The following GABRG3 variants were observed in gnomAD, a reference collection of about 807,000 sequenced individuals.
GABRG3 encodes the protein gamma-aminobutyric acid type A receptor subunit gamma3.
A neutral mutation model predicts 48.8 loss-of-function variants in GABRG3; 25 were observed. The ratio of observed to expected loss-of-function variants is 0.51; its 90% CI spans 0.37 to 0.72. The LOEUF is 0.72. GABRG3 is among the 30% of genes least tolerant of loss of function. The pLI, the probability that GABRG3 is intolerant of heterozygous loss-of-function variation, is 0.00. For synonymous variants in GABRG3, 227 were observed against 217.6 expected (o/e 1.04, Z -0.38); for missense variants, 394 against 577.9 (o/e 0.68, Z 3.26).
chr15:27,392,863 G>A (rs946625653), intron 5 of GABRG3, among the ~76,000 whole-genome samples: 1 of 152,156 alleles, frequency 6.6e-6, no homozygotes, highest in African/African-American at 2.4e-5. Context: ...GTTGGCCATT[G>A]GGAGCACATT....
intron 3 of GABRG3, among the ~76,000 whole-genome samples, chr15:27,204,469 G>GTGA (rs978856343): frequency 2.0e-4 from 30 of 152,054 alleles, no homozygotes; most frequent in African/African-American, 7.0e-4. Context: ...AAGTGATAGT[G>GTGA]TGATGCTTCC....
At chr15:27,015,612 C>A (rs1259010859) in intron 2 of GABRG3, among the ~76,000 whole-genome samples, 1 of 151,898 alleles carries the variant, frequency 6.6e-6, no homozygotes, top group African/African-American at 2.4e-5. Context: ...TGGTCTCGAT[C>A]TCCTGACCTT....
chr15:27,426,632 A>G (rs139369431), intron 5 of GABRG3, among the ~76,000 whole-genome samples: 47 of 152,298 alleles, frequency 3.1e-4, no homozygotes, highest in African/African-American at 1.1e-3. Flanking sequence ...GGACAACATA[A>G]TAAGACCTCA....
At chr15:27,291,054 A>G (rs891124884) in intron 3 of GABRG3, among the ~76,000 whole-genome samples, 1 of 152,252 alleles carries the variant, frequency 6.6e-6, no homozygotes, top group South Asian at 2.1e-4. Flanking sequence ...ATGAATTATA[A>G]GTGCCCCAAT....
At chr15:27,012,178 G>A (rs920497059) in intron 2 of GABRG3, among the ~76,000 whole-genome samples, 1 of 152,034 alleles carries the variant, frequency 6.6e-6, no homozygotes, top group Non-Finnish European at 1.5e-5. Flanking sequence ...TTTTTTGGGG[G>A]TACAGAATTA....
chr15:27,441,294 A>C (rs1888776774), intron 5 of GABRG3, among the ~76,000 whole-genome samples: 1 of 152,162 alleles, frequency 6.6e-6, no homozygotes, highest in South Asian at 2.1e-4. Context: ...CTAGCAGGGA[A>C]TATATTGTGT....
chr15:27,387,546 G>C (rs1452674518), intron 5 of GABRG3, among the ~76,000 whole-genome samples: 56 of 151,822 alleles, frequency 3.7e-4, no homozygotes, highest in Non-Finnish European at 1.5e-5. Context: ...GTTAATTCTG[G>C]TTGGTTTCAT....
At chr15:27,290,323 C>T (rs148470924) in intron 3 of GABRG3, among the ~76,000 whole-genome samples, 9 of 151,772 alleles carry the variant, frequency 5.9e-5, no homozygotes, top group South Asian at 2.1e-4. Flanking sequence ...TTTCCTGCTA[C>T]GAGATAGAGC....
chr15:27,221,694 AT>A (rs1183182580), intron 3 of GABRG3, among the ~76,000 whole-genome samples: 5 of 152,258 alleles, frequency 3.3e-5, no homozygotes, highest in African/African-American at 9.6e-5. Flanking sequence ...GTTTTCTAGA[AT>A]GTCTAAATGG....
chr15:27,348,014 A>T (rs994455667), intron 5 of GABRG3, among the ~76,000 whole-genome samples: 5 of 151,890 alleles, frequency 3.3e-5, no homozygotes, highest in Non-Finnish European at 5.9e-5. Context: ...TTCATATTAG[A>T]TTTGATACCA....
intron 3 of GABRG3, among the ~76,000 whole-genome samples, chr15:27,310,825 T>C (rs1357257059): frequency 1.3e-5 from 2 of 152,082 alleles, no homozygotes; most frequent in African/African-American, 4.8e-5. Context: ...GCCAAGCATA[T>C]ATACACATTA....
Position 27,532,640 on chromosome 15 carries a change from T to A in GABRG3, c.1163T>A (p.Met388Lys), listed in dbSNP as rs765591737. 1.2e-6 allele frequency: 2 copies of A among 1,614,012 alleles called. No homozygotes were observed. The highest frequency in any genetic ancestry group is 1.7e-6 in the Non-Finnish European group (2 of 1,179,888). The change falls in exon 10 of 10, where the codon ATG becomes AAG. Residue 388 changes from methionine (M) to lysine (K), a missense_variant. By Grantham distance (95) the Met-to-Lys change is moderately conservative. Transcript: ENST00000615808. The stretch of plus-strand genomic sequence containing the variant: ...GACATGAGGCCACCACCAACTGCGA[T>A]GATCACTTTAAACAATTCCGTTTAC... ...LLDMRPPPTA[M>K]ITLNNSVYWQ...
At chr15:27,245,696 A>G (rs1418859129) in intron 3 of GABRG3, among the ~76,000 whole-genome samples, 1 of 151,538 alleles carries the variant, frequency 6.6e-6, no homozygotes, top group Non-Finnish European at 1.5e-5. Flanking sequence ...ACATGGTGAA[A>G]CCCTGTCTCT....
intron 3 of GABRG3, among the ~76,000 whole-genome samples, chr15:27,284,201 T>C (rs1891532756): frequency 6.6e-6 from 1 of 152,224 alleles, no homozygotes; most frequent in African/African-American, 2.4e-5. Flanking sequence ...GTACAGGTAT[T>C]CTCTTCCTTT....
intron 5 of GABRG3, among the ~76,000 whole-genome samples, chr15:27,397,078 G>A (rs1040952931): frequency 2.0e-5 from 3 of 152,068 alleles, no homozygotes; most frequent in African/African-American, 4.8e-5. Context: ...ACATTTTTAC[G>A]GTACATAAAC....
chr15:27,220,675 A>T (rs1889422258), intron 3 of GABRG3, among the ~76,000 whole-genome samples: 1 of 151,974 alleles, frequency 6.6e-6, no homozygotes, highest in African/African-American at 2.4e-5. Flanking sequence ...AACATCTGCA[A>T]CTCTAACCTG....
chr15:27,093,056 G>GCAGC (rs1282305622), intron 3 of GABRG3, among the ~76,000 whole-genome samples: 1 of 152,060 alleles, frequency 6.6e-6, no homozygotes, highest in African/African-American at 2.4e-5. Context: ...CTCTAGACAG[G>GCAGC]CAGCCATTGG....
At chr15:27,333,768 G>A (rs1036912192) in intron 5 of GABRG3, among the ~76,000 whole-genome samples, 4 of 149,882 alleles carry the variant, frequency 2.7e-5, no homozygotes, top group Admixed American at 2.6e-4. Flanking sequence ...TTCTCAGATT[G>A]TCAGGAGAAT....
intron 3 of GABRG3, among the ~76,000 whole-genome samples, chr15:27,252,630 T>C (rs997780894): frequency 6.6e-6 from 1 of 152,154 alleles, no homozygotes; most frequent in African/African-American, 2.4e-5. Flanking sequence ...AAGACATCTG[T>C]GGGGCCTCCT....
Sources: allele counts gnomAD v4.1 joint callset (sites outside exome capture counted in the v4.1 genomes callset), GRCh38; gene constraint gnomAD v4.1.1; transcripts MANE v1.5; gene names NCBI Gene and HGNC (gene_info 2026-07-23, HGNC 2026-07-21).